ANPEP: variants seen among roughly 807,000 people sequenced by gnomAD.
ANPEP encodes the protein alanyl aminopeptidase, membrane.
A neutral mutation model predicts 114.6 loss-of-function variants in ANPEP; 70 were observed. That is an observed-to-expected ratio of 0.61 (90% CI 0.50 to 0.75). The LOEUF (loss-of-function observed/expected upper bound fraction) is 0.75, where lower values mean the gene tolerates loss of function less well. ANPEP is among the 30% of genes least tolerant of loss of function. ANPEP has a pLI of 0.00. For synonymous variants in ANPEP, 548 were observed against 522.3 expected (o/e 1.05, Z -0.67); for missense variants, 1,184 against 1,259.5 (o/e 0.94, Z 0.91).
intron 15 of ANPEP, among the ~76,000 whole-genome samples, chr15:89,794,063 T>C (rs1968683449): frequency 6.6e-6 from 1 of 152,090 alleles, no homozygotes. Flanking sequence ...AAGGTCAATA[T>C]AGTTTAGGCA....
intron 12 of ANPEP, among the ~76,000 whole-genome samples, chr15:89,800,589 T>G (rs1394996708): frequency 4.7e-5 from 7 of 149,030 alleles, no homozygotes; most frequent in Non-Finnish European, 1.5e-5. Flanking sequence ...GAGACAGAGT[T>G]TCGCTCTTGT....
Position 89,803,190 on chromosome 15 carries a change from A to T in ANPEP, c.1569+49T>A. On this transcript the variant is annotated intron_variant, in intron 10 of 20. Transcript: ENST00000300060. This position sits in a 1 kb window ranked among gnomAD's most constrained non-coding sequence, Gnocchi z 4.2. The stretch of plus-strand genomic sequence containing the variant: ...TGTGCTGCCCCCAGGTACCTTCAGC[A>T]TCTCAAGACCCCAACAGGATGGCTG... 6.3e-7 allele frequency: 1 copy of T among 1,588,178 alleles called. No individual in the cohort carries two copies. The highest frequency in any genetic ancestry group is 1.3e-5 in the African/African-American group (1 of 74,452).
Position 89,803,417 on chromosome 15 carries a change from G to A in ANPEP, c.1503+25C>T. On this transcript the variant is annotated intron_variant, in intron 9 of 20. Coordinates refer to ENST00000300060, the MANE Select transcript of ANPEP (RefSeq NM_001150.3). This position sits in a 1 kb window ranked among gnomAD's most constrained non-coding sequence, Gnocchi z 4.2. ...GGGGCAGAAGGAGACCCACCCTCAT[G>A]GCTGGCCCAGGGTGCAGTACTCACC... The A allele has an allele frequency of 6.2e-7, 1 of 1,610,142 alleles. No homozygotes were observed. The highest frequency in any genetic ancestry group is 8.5e-7 in the Non-Finnish European group (1 of 1,178,004).
At chr15:89,790,582 A>T in intron 19 of ANPEP, 41 bp from the exon 20 acceptor site, 2 of 1,555,296 alleles carry the variant, frequency 1.3e-6, no homozygotes, top group Non-Finnish European at 1.8e-6. Flanking sequence ...GGAGGCCGGG[A>T]ACTAAGGAGG....
At position 89,803,798 on chromosome 15, in the gene ANPEP, T is replaced by C; in HGVS notation, c.1294-8A>G. 6.2e-7 allele frequency: 1 copy of C among 1,607,328 alleles called. No homozygotes were observed. ...CAGCACCATGAGGTCTTTCTGCAAA[T>C]TCCCCAGGGCCATCAGGAGACTGGC... On this transcript the variant is annotated splice_region_variant and splice_polypyrimidine_tract_variant and intron_variant, in intron 7 of 20. Transcript: ENST00000300060. This position sits in a 1 kb window ranked among gnomAD's most constrained non-coding sequence, Gnocchi z 4.2.
chr15:89,785,440 T>G lies in ANPEP; in HGVS notation c.2813A>C (p.Glu938Ala). 6.2e-7 allele frequency: 1 copy of G among 1,614,140 alleles called. No individual in the cohort carries two copies. The highest frequency in any genetic ancestry group is 8.5e-7 in the Non-Finnish European group (1 of 1,179,976). Residue 938 changes from glutamate (E) to alanine (A), a missense_variant, in exon 21 of 21, where the codon GAG becomes GCG. Physicochemically the swap from Glu to Ala is moderately radical, Grantham distance 107. Coordinates refer to ENST00000300060, the MANE Select transcript of ANPEP (RefSeq NM_001150.3). ...GGCTTTCGTCTTCTCCAGGGCTTGC[T>G]CCAGGGCCCGGGTGCCTGAGCCGAA... is the stretch of plus-strand genomic sequence containing the variant. ...TGFGSGTRAL[E>A]QALEKTKANI...
At chr15:89,805,027 C>A in intron 4 of ANPEP, 51 bp downstream of exon 4, 1 of 1,611,268 alleles carries the variant, frequency 6.2e-7, no homozygotes, top group Non-Finnish European at 8.5e-7. Flanking sequence ...CGGGAAGACC[C>A]CTCAAGCCGG....
chr15:89,813,485 G>A (rs896139293), intron 1 of ANPEP, among the ~76,000 whole-genome samples: 7 of 152,184 alleles, frequency 4.6e-5, no homozygotes, highest in African/African-American at 1.7e-4. Flanking sequence ...CGGGAGCAGC[G>A]CTGTGGGTGG....
intron 20 of ANPEP, among the ~76,000 whole-genome samples, chr15:89,787,975 G>T (rs549449716): frequency 1.7e-4 from 26 of 152,236 alleles, no homozygotes; most frequent in African/African-American, 5.3e-4. Flanking sequence ...AAAAAAGAGG[G>T]AAAGAGAGAT....
At position 89,799,294 on chromosome 15, in the gene ANPEP, C is replaced by T; in HGVS notation, c.1975G>A (p.Ala659Thr). The change falls in exon 14 of 21, where the codon GCA becomes ACA. Residue 659 changes from alanine to threonine, a missense_variant. Coordinates refer to ENST00000300060, the MANE Select transcript of ANPEP (RefSeq NM_001150.3). The surrounding 1 kb of genome is among the most constrained non-coding windows in gnomAD (Gnocchi z 4.2). ...DHSAIPVINR[A>T]QIINDAFNLA... ...TTGAAGGCGTCATTAATGATCTGTGCCCGATTGATGACAGGGATGGCCTAG... is the reference window on the plus strand; with the variant it reads ...TTGAAGGCGTCATTAATGATCTGTGTCCGATTGATGACAGGGATGGCCTAG... The T allele has an allele frequency of 6.2e-7, 1 of 1,614,138 alleles. No homozygotes were observed. The highest frequency in any genetic ancestry group is 8.5e-7 in the Non-Finnish European group (1 of 1,180,032).
rs768716229 is a variant in ANPEP at position 89,797,334 on chromosome 15, CCTCACTCACCTCCTCAGTGCCTG to C, written c.2157+218_2157+240del. On this transcript the variant is annotated intron_variant, in intron 15 of 20. Transcript: ENST00000300060. ...TTTATTGTTTTGCCCCACGCAGCCT[CCTCACTCACCTCCTCAGTGCCTG>C]CTCACTCACCTCCATGTCCCTCCGG... is the stretch of plus-strand genomic sequence containing the variant. The C allele has an allele frequency of 9.0e-4, 418 of 462,188 alleles. 1 individual carries two copies. The highest frequency in any genetic ancestry group is 1.4e-3 in the Non-Finnish European group (374 of 268,702). 28.6% of individuals were successfully genotyped at this position (462,188 alleles called of 1,614,324 possible).
At chr15:89,802,041 G>A (rs922682717) in intron 10 of ANPEP, among the ~76,000 whole-genome samples, 5 of 152,138 alleles carry the variant, frequency 3.3e-5, no homozygotes, top group South Asian at 2.1e-4. Context: ...GGTGTGGGGC[G>A]GGACTCAGGG....
At chr15:89,801,325 T>C (rs1357173545) in intron 11 of ANPEP, 110 bp downstream of exon 11, 1 of 1,548,302 alleles carries the variant, frequency 6.5e-7, no homozygotes, top group Non-Finnish European at 8.9e-7. Context: ...GGAGGGTCTG[T>C]CTACAGTGGC....
At chr15:89,807,579 G>C (rs1894740736) in intron 1 of ANPEP, among the ~76,000 whole-genome samples, 1 of 152,164 alleles carries the variant, frequency 6.6e-6, no homozygotes, top group Non-Finnish European at 1.5e-5. Flanking sequence ...GCGGGCGTCT[G>C]TAATCCCAGC....
chr15:89,809,620 C>A (rs1442708733), intron 1 of ANPEP, among the ~76,000 whole-genome samples: 7 of 152,226 alleles, frequency 4.6e-5, no homozygotes, highest in Admixed American at 4.6e-4. Context: ...CAGTCCCCTG[C>A]CACAGCCCAG....
intron 20 of ANPEP, 25 bp downstream of exon 20, chr15:89,790,435 C>G: frequency 6.2e-7 from 1 of 1,607,530 alleles, no homozygotes; most frequent in Non-Finnish European, 8.5e-7. Flanking sequence ...TAGGCAGAGC[C>G]CAGGTCTGGG....
In ANPEP at chr15:89,799,109, C is replaced by G; in HGVS notation, c.2009+151G>C. On this transcript the variant is annotated intron_variant, in intron 14 of 20. Transcript: ENST00000300060. This position sits in a 1 kb window ranked among gnomAD's most constrained non-coding sequence, Gnocchi z 4.2. ...CATCTGTGAAATGGGTGTGTGGGGACCCAGGGAGGGACGTCCAGGGAGCAC... is the reference window on the plus strand; with the variant it reads ...CATCTGTGAAATGGGTGTGTGGGGAGCCAGGGAGGGACGTCCAGGGAGCAC... The G allele has an allele frequency of 1.2e-6, 1 of 812,252 alleles. No individual in the cohort carries two copies. The highest frequency in any genetic ancestry group is 2.0e-6 in the Non-Finnish European group (1 of 500,048). The allele number at this position is 812,252 out of a possible 1,614,324, so 50.3% of individuals were successfully genotyped here. A position where few individuals can be genotyped will look rare whatever the true frequency, so the allele number is the denominator to read the frequency against.
Position 89,799,806 on chromosome 15 carries a change from G to A in ANPEP, c.1820-247C>T, listed in dbSNP as rs111350675. 1.3e-5 allele frequency among the ~76,000 whole-genome samples: 2 copies of A among 152,098 alleles called. No individual in the cohort carries two copies. Among genetic ancestry groups the A allele is most frequent in the African/African-American group, 4.8e-5 (2 of 41,410 alleles). On this transcript the variant is annotated intron_variant, in intron 12 of 20. Transcript: ENST00000300060. The surrounding 1 kb of genome is among the most constrained non-coding windows in gnomAD (Gnocchi z 4.2). ...TGCCCTGCCTCCCTAGGCTCTGCAC[G>A]GCCAGGCCAGCTGCCAGGCCGCTCA...
In ANPEP at chr15:89,799,517, A is replaced by G. The variant is rs1287503902; in HGVS notation, c.1862T>C (p.Leu621Pro). ...LFSTSGNEWV[L>P]LNLNVTGYYR... is the part of the protein sequence containing the mutation. ...ATAGCCCGTCACATTGAGGTTCAGCAGGACCCACTCATTGCCTGATGTGCT... is the reference window on the plus strand; with the variant it reads ...ATAGCCCGTCACATTGAGGTTCAGCGGGACCCACTCATTGCCTGATGTGCT... The change falls in exon 13 of 21, where the codon CTG (leucine) becomes CCG (proline). Residue 621 changes from leucine to proline, a missense_variant. Leu to Pro is a moderately conservative substitution (Grantham distance 98). Transcript: ENST00000300060. The surrounding 1 kb of genome is among the most constrained non-coding windows in gnomAD (Gnocchi z 4.2). 6.2e-7 allele frequency: 1 copy of G among 1,614,190 alleles called. No individual in the cohort carries two copies. Among genetic ancestry groups the G allele is most frequent in the South Asian group, 1.1e-5 (1 of 91,084 alleles).
Sources: allele counts gnomAD v4.1 joint callset (sites outside exome capture counted in the v4.1 genomes callset), GRCh38; gene constraint gnomAD v4.1.1; non-coding constraint Gnocchi (gnomAD v3.1); transcripts MANE v1.5; gene names NCBI Gene and HGNC (gene_info 2026-07-23, HGNC 2026-07-21).